The following ZNG1E variants were observed in gnomAD, a reference collection of about 807,000 sequenced individuals.
The protein encoded by ZNG1E is Zn regulated GTPase metalloprotein activator 1E.
the ZNG1E span, among the ~76,000 whole-genome samples, chr9:65,663,360 G>A: frequency 4.0e-5 from 6 of 151,760 alleles, no homozygotes; most frequent in East Asian, 5.8e-4. Flanking sequence ...GTCCACTTAA[G>A]CTGTAGATGA....
chr9:65,693,200 A>T, the ZNG1E span, among the ~76,000 whole-genome samples: 2 of 152,174 alleles, frequency 1.3e-5, no homozygotes, highest in Non-Finnish European at 2.9e-5. Context: ...ATTAAAAGGC[A>T]TCTTGCATCG....
the ZNG1E span, among the ~76,000 whole-genome samples, chr9:65,668,587 G>A: frequency 1.6e-4 from 23 of 147,596 alleles, no homozygotes; most frequent in Non-Finnish European, 3.0e-4. Flanking sequence ...CTGGAGTGCA[G>A]TGCAGTGATC....
chr9:65,663,972 T>C, the ZNG1E span, among the ~76,000 whole-genome samples: 1 of 149,344 alleles, frequency 6.7e-6, no homozygotes, highest in Non-Finnish European at 1.5e-5. Flanking sequence ...CATATATATA[T>C]ATGTATAGCA....
the ZNG1E span, chr9:65,708,168 CTG>C: frequency 6.9e-6 from 1 of 145,892 alleles, no homozygotes; most frequent in Admixed American, 6.9e-5. Flanking sequence ...GGCCTGTCCT[CTG>C]TGGTTTTCTG....
the ZNG1E span, among the ~76,000 whole-genome samples, chr9:65,713,063 G>A: frequency 2.5e-5 from 3 of 119,550 alleles, no homozygotes; most frequent in Non-Finnish European, 5.2e-5. Context: ...TATATATTTA[G>A]GATAGTTAGC....
chr9:65,707,113 C>T, the ZNG1E span: 3 of 94,282 alleles, frequency 3.2e-5, no homozygotes, highest in East Asian at 2.6e-4. Flanking sequence ...TGGGTTCAAG[C>T]GATTCTCCTG....
the ZNG1E span, among the ~76,000 whole-genome samples, chr9:65,666,761 C>A: frequency 6.6e-6 from 1 of 150,764 alleles, no homozygotes; most frequent in Non-Finnish European, 1.5e-5. Flanking sequence ...GTAAAAGGAA[C>A]CATTATGATG....
chr9:65,682,053 AGTT>A, the ZNG1E span: 5 of 403,942 alleles, frequency 1.2e-5, no homozygotes, highest in African/African-American at 8.3e-5. Flanking sequence ...ATGTTCTAGT[AGTT>A]AAGTTTCCAA....
At chr9:65,714,720 G>T in the ZNG1E span, among the ~76,000 whole-genome samples, 1 of 151,282 alleles carries the variant, frequency 6.6e-6, no homozygotes, top group East Asian at 1.9e-4. Flanking sequence ...GGGGGTCAGG[G>T]GTCAGGGACC....
chr9:65,710,610 G>T, the ZNG1E span, among the ~76,000 whole-genome samples: 1 of 152,074 alleles, frequency 6.6e-6, no homozygotes, highest in African/African-American at 2.4e-5. Context: ...ATTAAATACG[G>T]AATCCTTTCC....
At chr9:65,709,364 T>C in the ZNG1E span, among the ~76,000 whole-genome samples, 1 of 151,050 alleles carries the variant, frequency 6.6e-6, no homozygotes, top group African/African-American at 2.5e-5. Flanking sequence ...TATTTATTAT[T>C]ATTATACTTT....
At chr9:65,703,888 C>T in the ZNG1E span, 1 of 956,930 alleles carries the variant, frequency 1.0e-6, no homozygotes, top group East Asian at 1.2e-4. Context: ...AGGAGCCGCT[C>T]ATCTGCTGGC....
chr9:65,665,327 C>T, the ZNG1E span, among the ~76,000 whole-genome samples: 9 of 152,358 alleles, frequency 5.9e-5, no homozygotes, highest in East Asian at 1.9e-4. Flanking sequence ...TACCCTGCAT[C>T]CCAGCCATGA....
At chr9:65,681,040 G>T in the ZNG1E span, among the ~76,000 whole-genome samples, 1 of 151,996 alleles carries the variant, frequency 6.6e-6, no homozygotes, top group Non-Finnish European at 1.5e-5. Context: ...CGCCCGCCTT[G>T]GCCTCCCTAT....
the ZNG1E span, among the ~76,000 whole-genome samples, chr9:65,693,661 G>T: frequency 4.0e-5 from 6 of 149,870 alleles, no homozygotes; most frequent in South Asian, 4.3e-4. Flanking sequence ...AGGTTCAAGC[G>T]ATTCCCTTGT....
At chr9:65,661,882 T>C in the ZNG1E span, among the ~76,000 whole-genome samples, 5 of 152,272 alleles carry the variant, frequency 3.3e-5, no homozygotes, top group Non-Finnish European at 7.3e-5. Context: ...GTTGTACACT[T>C]AAATGAGTGG....
chr9:65,698,847 C>T, the ZNG1E span, among the ~76,000 whole-genome samples: 60 of 140,130 alleles, frequency 4.3e-4, no homozygotes, highest in Non-Finnish European at 7.9e-4. Flanking sequence ...TCTTGTTATA[C>T]AATTTCTTTG....
chr9:65,685,000 C>T, the ZNG1E span, among the ~76,000 whole-genome samples: 2 of 149,664 alleles, frequency 1.3e-5, no homozygotes, highest in Admixed American at 6.8e-5. Flanking sequence ...CATGATTGCA[C>T]CACTGCACTC....
the ZNG1E span, among the ~76,000 whole-genome samples, chr9:65,677,443 T>C: frequency 6.6e-6 from 1 of 152,174 alleles, no homozygotes; most frequent in African/African-American, 2.4e-5. Context: ...TCCCCCTTTG[T>C]CCATCTTTAG....
Sources: gnomAD v4.1 joint callset for allele counts (sites outside exome capture counted in the v4.1 genomes callset) on GRCh38, gnomAD v4.1.1 for gene constraint, MANE v1.5 for transcripts, NCBI Gene and HGNC (gene_info 2026-07-23, HGNC 2026-07-21) for gene names.